Variants in GALNT13 observed in about 807,000 individuals in gnomAD.
GALNT13 encodes polypeptide N-acetylgalactosaminyltransferase 13, also known as UDP-GalNAc:polypeptide N-acetylgalactosaminyltransferase 13.
Under a neutral mutation model 64.2 loss-of-function variants are expected in GALNT13, and 28 were observed. The ratio of observed to expected loss-of-function variants is 0.44; its 90% CI spans 0.32 to 0.60. GALNT13 has a LOEUF of 0.60. GALNT13 is among the 20% of genes least tolerant of loss of function. The pLI is 0.05. For synonymous variants in GALNT13, 214 were observed against 224.6 expected, an observed-to-expected ratio of 0.95 and a Z score of 0.42; for missense variants, 577 against 669.8, an observed-to-expected ratio of 0.86 and a Z score of 1.53.
chr2:153,819,105 G>T, the GALNT13 span, among the ~76,000 whole-genome samples: 12 of 152,126 alleles, frequency 7.9e-5, no homozygotes, highest in African/African-American at 2.9e-4. Flanking sequence ...CAGGGCCTGA[G>T]CTCAGGCCGA....
At chr2:153,330,744 C>T in the GALNT13 span, among the ~76,000 whole-genome samples, 1 of 152,054 alleles carries the variant, frequency 6.6e-6, no homozygotes, top group African/African-American at 2.4e-5. Context: ...TTGACATCTT[C>T]ATTTCCCATT....
At chr2:154,145,116 A>ATATATATATATATATG (rs1383133706) in intron 4 of GALNT13, among the ~76,000 whole-genome samples, 2 of 143,344 alleles carry the variant, frequency 1.4e-5, no homozygotes, top group African/African-American at 5.0e-5. Flanking sequence ...ATATATATAT[A>ATATATATATATATATG]TATACACACA....
At chr2:153,935,891 T>G (rs1690876078) in intron 2 of GALNT13, among the ~76,000 whole-genome samples, 1 of 152,230 alleles carries the variant, frequency 6.6e-6, no homozygotes, top group South Asian at 2.1e-4. Context: ...TCCACAGCCA[T>G]GAAATTTTGT....
the GALNT13 span, among the ~76,000 whole-genome samples, chr2:153,786,311 G>A: frequency 7.2e-5 from 11 of 152,094 alleles, no homozygotes; most frequent in Non-Finnish European, 1.3e-4. Context: ...TAGTCACTAC[G>A]CTGACACCTC....
chr2:153,174,467 A>ATT, the GALNT13 span, among the ~76,000 whole-genome samples: 12 of 136,582 alleles, frequency 8.8e-5, no homozygotes, highest in Non-Finnish European at 9.6e-5. Flanking sequence ...CACATTTTCT[A>ATT]TTTTTTTTTT....
At chr2:154,400,270 G>A (rs1232528444) in intron 10 of GALNT13, among the ~76,000 whole-genome samples, 5 of 152,082 alleles carry the variant, frequency 3.3e-5, no homozygotes, top group African/African-American at 1.2e-4. Context: ...GAGTCCCAAA[G>A]CAATATCAGG....
At chr2:153,128,131 T>C in the GALNT13 span, among the ~76,000 whole-genome samples, 1 of 152,220 alleles carries the variant, frequency 6.6e-6, no homozygotes, top group African/African-American at 2.4e-5. Flanking sequence ...TCAGCACCTG[T>C]TCTTTGTCAT....
the GALNT13 span, among the ~76,000 whole-genome samples, chr2:153,400,801 T>A: frequency 6.6e-6 from 1 of 152,298 alleles, no homozygotes; most frequent in Admixed American, 6.5e-5. Flanking sequence ...TTGTGTCTAT[T>A]TGATTCTTCT....
the GALNT13 span, among the ~76,000 whole-genome samples, chr2:153,228,569 G>A: frequency 2.0e-5 from 3 of 152,024 alleles, no homozygotes; most frequent in Admixed American, 6.6e-5. Context: ...GATCTTTCTG[G>A]AGAAGAGATG....
the GALNT13 span, among the ~76,000 whole-genome samples, chr2:153,132,730 AT>A: frequency 6.6e-6 from 1 of 152,070 alleles, no homozygotes; most frequent in East Asian, 1.9e-4. Context: ...AACTGAGTTA[AT>A]TTTTTTAAGA....
At chr2:153,338,734 G>A in the GALNT13 span, among the ~76,000 whole-genome samples, 1 of 152,202 alleles carries the variant, frequency 6.6e-6, no homozygotes, top group Admixed American at 6.5e-5. Context: ...TATTTCTCTT[G>A]TGTAATTGAA....
chr2:153,415,626 A>G, the GALNT13 span, among the ~76,000 whole-genome samples: 3 of 152,232 alleles, frequency 2.0e-5, no homozygotes, highest in African/African-American at 7.2e-5. Context: ...ACACAATGAT[A>G]TGAAACAATG....
chr2:154,361,324 C>G (rs1356258448), intron 9 of GALNT13, among the ~76,000 whole-genome samples: 2 of 152,098 alleles, frequency 1.3e-5, no homozygotes, highest in Non-Finnish European at 1.5e-5. Flanking sequence ...AAATTAGTCT[C>G]TAGCTCCAAT....
the GALNT13 span, among the ~76,000 whole-genome samples, chr2:153,513,280 T>C: frequency 4.1e-4 from 62 of 152,332 alleles, no homozygotes; most frequent in African/African-American, 1.4e-3. Context: ...TTTCATAGAT[T>C]CATATTTATT....
chr2:154,152,349 T>C (rs1684093308), intron 4 of GALNT13, among the ~76,000 whole-genome samples: 1 of 152,136 alleles, frequency 6.6e-6, no homozygotes, highest in African/African-American at 2.4e-5. Context: ...CCTTTCTCTC[T>C]GGCTGCCCTT....
At chr2:154,074,360 G>A (rs1458952443) in intron 3 of GALNT13, among the ~76,000 whole-genome samples, 1 of 151,852 alleles carries the variant, frequency 6.6e-6, no homozygotes, top group African/African-American at 2.4e-5. Flanking sequence ...CATGATACAA[G>A]GACTCATTTT....
At chr2:153,228,553 A>G in the GALNT13 span, among the ~76,000 whole-genome samples, 1 of 152,110 alleles carries the variant, frequency 6.6e-6, no homozygotes, top group African/African-American at 2.4e-5. Context: ...TCTTTGAACA[A>G]TGCTAGATCT....
At chr2:154,039,160 G>A (rs938456881) in intron 3 of GALNT13, among the ~76,000 whole-genome samples, 6 of 151,952 alleles carry the variant, frequency 3.9e-5, no homozygotes, top group Non-Finnish European at 5.9e-5. Context: ...TCCATTGGTG[G>A]GAACATCAAT....
At chr2:153,679,516 C>T in the GALNT13 span, among the ~76,000 whole-genome samples, 10 of 151,938 alleles carry the variant, frequency 6.6e-5, no homozygotes, top group African/African-American at 2.2e-4. Flanking sequence ...ATGCATAGTA[C>T]GTGTGTTTCA....
Sources: gnomAD v4.1 joint callset for allele counts (sites outside exome capture counted in the v4.1 genomes callset) on GRCh38, gnomAD v4.1.1 for gene constraint, MANE v1.5 for transcripts, NCBI Gene and HGNC (gene_info 2026-07-23, HGNC 2026-07-21) for gene names.